KDM5B: variants seen among roughly 807,000 people sequenced by gnomAD.
The protein encoded by KDM5B is lysine-specific demethylase 5B.
In KDM5B, 144 loss-of-function variants were observed where a neutral mutation model predicts 193.4. The observed-to-expected ratio is 0.74, with a 90% CI of 0.65 to 0.86. The LOEUF (loss-of-function observed/expected upper bound fraction) is 0.86. Among genes scored for constraint, KDM5B ranks in the 40% least tolerant of loss-of-function variants. KDM5B has a pLI of 0.00. For missense variants in KDM5B, 1,833 were observed against 1,886.9 expected, an observed-to-expected ratio of 0.97 and a Z score of 0.53; for synonymous variants, 668 against 682.6, an observed-to-expected ratio of 0.98 and a Z score of 0.33.
chr1:202,787,883 ACT>A (rs780139564), intron 1 of KDM5B, among the ~76,000 whole-genome samples: 6 of 147,362 alleles, frequency 4.1e-5, no homozygotes, highest in Admixed American at 1.4e-4. Context: ...ACAGTGTGAG[ACT>A]CTGTCTCAAA....
rs190582223 is a variant in KDM5B, at chr1:202,730,102, C to T, written c.4177-75G>A. On this transcript the variant is annotated intron_variant, in intron 25 of 26. Coordinates refer to ENST00000367265, the MANE Select transcript of KDM5B (RefSeq NM_006618.5). ...CTAAAACTAATGAAGCTAAAGAGAA[C>T]ATGTAAATTAGAAATCAGATGATCC... The T allele has an allele frequency of 2.3e-3, 2,840 of 1,260,868 alleles. 23 individuals are homozygous for T. The highest frequency in any genetic ancestry group is 0.017 in the South Asian group (1,093 of 65,604). 78.1% of individuals were successfully genotyped at this position (1,260,868 alleles called of 1,614,324 possible).
At position 202,740,814 on chromosome 1, in the gene KDM5B, T is replaced by C; in HGVS notation, c.2946-2A>G. On this transcript the variant is annotated splice_acceptor_variant, in intron 19 of 26. Coordinates refer to ENST00000367265, the MANE Select transcript of KDM5B (RefSeq NM_006618.5). LOFTEE classifies it high-confidence loss of function. ...AGGCTATTCAATGAATGTCGTGGCC[T>C]ACAAAATGCAAACAAAGACTTCTTA... is the stretch of plus-strand genomic sequence containing the variant. The C allele has an allele frequency of 1.2e-6, 2 of 1,604,624 alleles. No individual in the cohort carries two copies. The highest frequency in any genetic ancestry group is 2.2e-5 in the East Asian group (1 of 44,670).
intron 1 of KDM5B, among the ~76,000 whole-genome samples, chr1:202,806,002 A>G (rs562104950): frequency 6.6e-6 from 1 of 152,278 alleles, no homozygotes; most frequent in Admixed American, 6.5e-5. Context: ...ACTATGTAGC[A>G]CTCTCAATAC....
At chr1:202,752,056 A>G (rs2102254397) in intron 12 of KDM5B, among the ~76,000 whole-genome samples, 1 of 152,290 alleles carries the variant, frequency 6.6e-6, no homozygotes, top group South Asian at 2.1e-4. Context: ...AAAAGCATAA[A>G]CTTTAGGTCA....
chr1:202,764,079 T>C lies in KDM5B; in HGVS notation c.778A>G (p.Met260Val), dbSNP rs368383701. The C allele has an allele frequency of 1.6e-5, 26 of 1,581,374 alleles. No individual in the cohort carries two copies. The highest frequency in any genetic ancestry group is 9.4e-6 in the Non-Finnish European group (11 of 1,165,178). The part of the protein sequence containing the change: ...EARTHNLRRR[M>V]GCPTPKCENE... The stretch of plus-strand genomic sequence containing the variant: ...TCACATTTTGGAGTTGGACAACCCA[T>C]TCGACGTCTCAGATTATGAGTTCTG... The change falls in exon 6 of 27, where the codon ATG (methionine) becomes GTG (valine). Residue 260 changes from methionine (M) to valine (V), a missense_variant. Transcript: ENST00000367265.
At chr1:202,736,449 C>A in intron 20 of KDM5B, 57 bp from the exon 21 acceptor site, 1 of 1,373,254 alleles carries the variant, frequency 7.3e-7, no homozygotes, top group Admixed American at 2.5e-5. Context: ...CTATGAAAAA[C>A]AGGAAAAGCT....
At chr1:202,805,254 A>AT (rs1658244110) in intron 1 of KDM5B, among the ~76,000 whole-genome samples, 1 of 152,240 alleles carries the variant, frequency 6.6e-6, no homozygotes, top group Non-Finnish European at 1.5e-5. Flanking sequence ...AAAGGTTTGT[A>AT]TTAAACTTCA....
chr1:202,770,402 C>T (rs1656663583), intron 4 of KDM5B, among the ~76,000 whole-genome samples: 1 of 152,134 alleles, frequency 6.6e-6, no homozygotes, highest in African/African-American at 2.4e-5. Flanking sequence ...CTACTTCACC[C>T]TTTTGCAATA....
chr1:202,803,145 A>G (rs1468353475), intron 1 of KDM5B, among the ~76,000 whole-genome samples: 2 of 152,114 alleles, frequency 1.3e-5, no homozygotes, highest in East Asian at 3.9e-4. Flanking sequence ...TGGATGACAG[A>G]GTGAGATTAA....
At chr1:202,770,829 T>G (rs1367748475) in intron 4 of KDM5B, among the ~76,000 whole-genome samples, 1 of 152,214 alleles carries the variant, frequency 6.6e-6, no homozygotes, top group African/African-American at 2.4e-5. Context: ...TTTTTAAACT[T>G]TCTACAAAGA....
At chr1:202,764,738 G>C (rs549578433) in intron 5 of KDM5B, among the ~76,000 whole-genome samples, 14 of 152,306 alleles carry the variant, frequency 9.2e-5, no homozygotes, top group South Asian at 4.1e-4. Context: ...CAGCATTTTG[G>C]GGGGGCCAAG....
intron 16 of KDM5B, among the ~76,000 whole-genome samples, chr1:202,743,516 C>G (rs1388095307): frequency 1.3e-5 from 2 of 152,144 alleles, no homozygotes; most frequent in African/African-American, 4.8e-5. Flanking sequence ...TACTAGAGCA[C>G]AGGAGACTCA....
intron 20 of KDM5B, among the ~76,000 whole-genome samples, chr1:202,737,583 C>T (rs1380320661): frequency 6.6e-6 from 1 of 152,096 alleles, no homozygotes; most frequent in African/African-American, 2.4e-5. Flanking sequence ...ACAGTATTAC[C>T]TGACATTTTA....
intron 6 of KDM5B, 54 bp from the exon 7 acceptor site, chr1:202,762,862 A>AAC (rs71142551): frequency 6.6e-5 from 61 of 929,700 alleles, no homozygotes; most frequent in African/African-American, 8.2e-5. Context: ...CCACTTCCTC[A>AAC]TCATCTCCCT....
rs1050916679 is a variant in KDM5B at position 202,808,388 on chromosome 1, A to C, written c.-83T>G. ...TCCGCTCGGTCCGAGACCCGTGCAG[A>C]CGCGGCTCGAGCAACAGCAAGTCCG... On this transcript the variant is annotated 5_prime_UTR_variant, in exon 1 of 27. Coordinates refer to ENST00000367265, the MANE Select transcript of KDM5B (RefSeq NM_006618.5). The C allele has an allele frequency of 7.5e-5, 98 of 1,304,218 alleles. No homozygotes were observed. Among genetic ancestry groups the C allele is most frequent in the Non-Finnish European group, 1.0e-4 (97 of 974,706 alleles). 80.8% of individuals were successfully genotyped at this position (1,304,218 alleles called of 1,614,324 possible). A position where few individuals can be genotyped will look rare whatever the true frequency, so the allele number is the denominator to read the frequency against.
At chr1:202,767,519 T>A in intron 4 of KDM5B, 1 of 678,504 alleles carries the variant, frequency 1.5e-6, no homozygotes, top group Non-Finnish European at 2.6e-6. Flanking sequence ...TTCCCCGGTG[T>A]GCAAGGACTG....
chr1:202,741,326 CT>C, intron 19 of KDM5B, 40 bp downstream of exon 19: 1 of 1,414,736 alleles, frequency 7.1e-7, no homozygotes, highest in Non-Finnish European at 9.6e-7. Flanking sequence ...CTGGAGATAA[CT>C]GTCCAACCTT....
intron 1 of KDM5B, chr1:202,807,292 G>C (rs1448618203): frequency 1.3e-5 from 2 of 152,440 alleles, no homozygotes; most frequent in Non-Finnish European, 2.9e-5. Context: ...AGAAGAAGCC[G>C]GGAGTGTGCG....
intron 6 of KDM5B, 114 bp downstream of exon 6, chr1:202,763,935 C>G (rs915651467): frequency 1.1e-5 from 7 of 664,330 alleles, no homozygotes; most frequent in Non-Finnish European, 1.0e-5. Context: ...ACTGGCTGCT[C>G]TAAATTTTAC....
Sources: allele counts gnomAD v4.1 joint callset (sites outside exome capture counted in the v4.1 genomes callset), GRCh38; gene constraint gnomAD v4.1.1; transcripts MANE v1.5; gene names NCBI Gene and HGNC (gene_info 2026-07-23, HGNC 2026-07-21).